Variants in ACACA observed in about 807,000 individuals in gnomAD.
ACACA encodes acetyl-CoA carboxylase 1.
Under a neutral mutation model 296.1 loss-of-function variants are expected in ACACA, and 103 were observed. The ratio of observed to expected loss-of-function variants is 0.35; its 90% CI spans 0.30 to 0.41. ACACA has a LOEUF of 0.41. Among genes scored for constraint, ACACA ranks in the 10% least tolerant of loss-of-function variants. ACACA has a pLI of 1.00. For missense variants in ACACA, 1,554 were observed against 2,989.7 expected (o/e 0.52, Z 11.20); for synonymous variants, 953 against 1,038.6 (o/e 0.92, Z 1.58).
chr17:37,346,167 G>A (rs142368469), intron 1 of ACACA, among the ~76,000 whole-genome samples: 50 of 152,028 alleles, frequency 3.3e-4, no homozygotes, highest in African/African-American at 1.2e-3. Flanking sequence ...AAGTATTATG[G>A]TTAGCCGGGC....
At chr17:37,358,892 C>G in intron 1 of ACACA, 1 of 956,962 alleles carries the variant, frequency 1.0e-6, no homozygotes, top group Non-Finnish European at 1.2e-6. Context: ...AGGCCGCGTG[C>G]GGGTGAGCGG....
At chr17:37,175,044 C>T (rs1004650188) in intron 41 of ACACA, among the ~76,000 whole-genome samples, 1 of 152,134 alleles carries the variant, frequency 6.6e-6, no homozygotes, top group Non-Finnish European at 1.5e-5. Context: ...TGCCCATGTT[C>T]TGATATGGTA....
At chr17:37,103,977 A>G (rs1597825989) in intron 52 of ACACA, among the ~76,000 whole-genome samples, 1 of 152,304 alleles carries the variant, frequency 6.6e-6, no homozygotes, top group East Asian at 1.9e-4. Context: ...CCAGGAGTTC[A>G]AGCTGCGGTG....
At chr17:37,147,034 GCACTTGCA>G (rs1825539425) in intron 45 of ACACA, among the ~76,000 whole-genome samples, 1 of 152,006 alleles carries the variant, frequency 6.6e-6, no homozygotes. Context: ...AACAGGATCG[GCACTTGCA>G]CACACAAGAT....
chr17:37,193,557 T>C (rs1377476987), intron 35 of ACACA, 142 bp from the exon 36 acceptor site: 6 of 621,912 alleles, frequency 9.6e-6, no homozygotes, highest in Non-Finnish European at 1.2e-5. Flanking sequence ...CCAGGAAATA[T>C]ATATGAATGA....
rs749984561 is a variant in ACACA, at chr17:37,243,359, T to C, written c.2931+12A>G. 2.5e-6 allele frequency: 4 copies of C among 1,612,406 alleles called. No homozygotes were observed. The highest frequency in any genetic ancestry group is 1.1e-5 in the South Asian group (1 of 91,056). ...GTAGCCAGAAAAAAATATAGTGTTA[T>C]CCTATAAATACCTGCTGGCTGGGAA... On this transcript the variant is annotated intron_variant, in intron 22 of 55. Coordinates refer to ENST00000616317, the MANE Select transcript of ACACA (RefSeq NM_198834.3).
At chr17:37,146,509 T>C (rs1384586949) in intron 45 of ACACA, among the ~76,000 whole-genome samples, 3 of 151,784 alleles carry the variant, frequency 2.0e-5, no homozygotes, top group African/African-American at 7.3e-5. Flanking sequence ...TCAGCAAAAG[T>C]TTTCATTAAA....
chr17:37,322,714 C>T (rs2047411478), intron 3 of ACACA, among the ~76,000 whole-genome samples: 1 of 152,150 alleles, frequency 6.6e-6, no homozygotes, highest in South Asian at 2.1e-4. Flanking sequence ...GGCCAGCAGA[C>T]TTGCAATGGT....
At chr17:37,235,493 G>A (rs570089408) in intron 24 of ACACA, among the ~76,000 whole-genome samples, 7 of 152,230 alleles carry the variant, frequency 4.6e-5, no homozygotes, top group African/African-American at 1.2e-4. Context: ...TTCTTTAGAC[G>A]AGAAATTTCT....
intron 3 of ACACA, among the ~76,000 whole-genome samples, chr17:37,320,236 G>A (rs559630469): frequency 6.6e-6 from 1 of 152,304 alleles, no homozygotes; most frequent in East Asian, 1.9e-4. Flanking sequence ...TAAGGCCTGG[G>A]CGCAGTGGCT....
chr17:37,101,086 GAA>G (rs769214258), intron 52 of ACACA, among the ~76,000 whole-genome samples: 4 of 56,374 alleles, frequency 7.1e-5, no homozygotes, highest in South Asian at 5.0e-4. Context: ...GACTGTCTCA[GAA>G]AAAAAAAAAA....
intron 1 of ACACA, chr17:37,391,832 C>A (rs934795983): frequency 1.0e-6 from 1 of 985,176 alleles, no homozygotes; most frequent in Non-Finnish European, 1.6e-6. Flanking sequence ...AGGGACATTA[C>A]AATCAAACAC....
rs374418349 is a variant in ACACA at position 37,296,840 on chromosome 17, C to A, written c.339-11870G>T. On this transcript the variant is annotated intron_variant, in intron 3 of 55. Coordinates refer to ENST00000616317, the MANE Select transcript of ACACA (RefSeq NM_198834.3). ...CAAGCAATTCTCGTGCCTCAACCAC[C>A]TGAGTAGCTGGGATTACAGGATCCT... Among the ~76,000 whole-genome samples, 6 of 151,852 alleles carry A rather than the reference C, an allele frequency of 4.0e-5. No individual in the cohort carries two copies. The East Asian group carries it at 9.9e-4, about 25-fold the overall frequency.
chr17:37,305,254 GT>G (rs1411657820), intron 3 of ACACA, among the ~76,000 whole-genome samples: 2 of 152,142 alleles, frequency 1.3e-5, no homozygotes, highest in Non-Finnish European at 2.9e-5. Flanking sequence ...CATGAAAATT[GT>G]TGTTACTAGT....
chr17:37,150,835 C>T (rs2076008319), intron 44 of ACACA, among the ~76,000 whole-genome samples: 1 of 151,396 alleles, frequency 6.6e-6, no homozygotes, highest in Non-Finnish European at 1.5e-5. Context: ...GGGTGGATCA[C>T]GAGGTCAAGA....
intron 24 of ACACA, among the ~76,000 whole-genome samples, chr17:37,237,368 A>AG (rs2080161612): frequency 6.6e-6 from 1 of 152,216 alleles, no homozygotes; most frequent in Non-Finnish European, 1.5e-5. Context: ...TAGTTTCTCT[A>AG]AAGTATATTT....
chr17:37,335,145 C>T (rs553641222), intron 2 of ACACA, among the ~76,000 whole-genome samples: 7 of 152,236 alleles, frequency 4.6e-5, no homozygotes, highest in African/African-American at 1.4e-4. Flanking sequence ...ATGAAACCCT[C>T]CATACCCATA....
intron 1 of ACACA, chr17:37,377,769 A>G: frequency 1.4e-6 from 1 of 730,654 alleles, no homozygotes; most frequent in Non-Finnish European, 2.2e-6. Flanking sequence ...AGGAACTGCA[A>G]TCTTTCATAT....
rs534480606 is a variant in ACACA at position 37,105,487 on chromosome 17, A to C, written c.6565+6044T>G. Among the ~76,000 whole-genome samples, 541 of 151,980 alleles carry C rather than the reference A, an allele frequency of 3.6e-3. 5 individuals are homozygous for C. Among genetic ancestry groups the C allele is most frequent in the Non-Finnish European group, 5.9e-3 (401 of 67,982 alleles). On this transcript the variant is annotated intron_variant, in intron 52 of 55. Coordinates refer to ENST00000616317, the MANE Select transcript of ACACA (RefSeq NM_198834.3). ...GCGAGGCTCCATCTCAAAAACAAAA[A>C]CAAAACCAAAACAGTTATACTAAGA...
Sources: allele counts gnomAD v4.1 joint callset (sites outside exome capture counted in the v4.1 genomes callset), GRCh38; gene constraint gnomAD v4.1.1; transcripts MANE v1.5; gene names NCBI Gene and HGNC (gene_info 2026-07-23, HGNC 2026-07-21).